The following BCAT1 variants were observed in gnomAD, a reference collection of about 807,000 sequenced individuals.
The protein encoded by BCAT1 is branched chain amino acid transaminase 1, also known as branched-chain-amino-acid aminotransferase, cytosolic.
In BCAT1, 48 loss-of-function variants were observed where a neutral mutation model predicts 52.4. That is an observed-to-expected ratio of 0.92 (90% CI 0.73 to 1.16). BCAT1 has a LOEUF of 1.16. BCAT1 is among the 50% of genes most tolerant of loss of function. The probability of loss-of-function intolerance (pLI) is 0.00; values close to 1 mark genes in which losing one functional copy is unlikely to be tolerated. For missense variants in BCAT1, 451 were observed against 457.1 expected, an observed-to-expected ratio of 0.99 and a Z score of 0.12; for synonymous variants, 167 against 161.3, an observed-to-expected ratio of 1.04 and a Z score of -0.27.
chr12:24,890,833 A>G (rs1942818246), intron 3 of BCAT1, among the ~76,000 whole-genome samples: 1 of 152,058 alleles, frequency 6.6e-6, no homozygotes, highest in African/African-American at 2.4e-5. Flanking sequence ...TTCTTAATAA[A>G]TTTTATTTTA....
chr12:24,902,881 C>T (rs1394138542), intron 1 of BCAT1: 1 of 1,511,832 alleles, frequency 6.6e-7, no homozygotes, highest in Non-Finnish European at 8.8e-7. Context: ...CCCGGCCAGG[C>T]CCGCGAGCTA....
intron 1 of BCAT1, among the ~76,000 whole-genome samples, chr12:24,939,381 A>G (rs1258548098): frequency 2.0e-5 from 3 of 152,224 alleles, no homozygotes; most frequent in Non-Finnish European, 2.9e-5. Context: ...AAAAGTTTAG[A>G]CACTCTTCAT....
intron 6 of BCAT1, among the ~76,000 whole-genome samples, chr12:24,847,914 G>C (rs994558474): frequency 2.0e-5 from 3 of 152,188 alleles, no homozygotes; most frequent in African/African-American, 7.2e-5. Flanking sequence ...CAAAACTAAA[G>C]TTGACTCCAA....
At position 24,813,808 on chromosome 12, in the gene BCAT1, T is replaced by C. The variant is rs1939775689; in HGVS notation, c.*4200A>G. 6.6e-6 allele frequency: 1 copy of C among 152,128 alleles called. No homozygotes were observed. The highest frequency in any genetic ancestry group is 2.1e-4 in the South Asian group (1 of 4,836). The allele number at this position is 152,128 out of a possible 1,614,324, so 9.4% of individuals were successfully genotyped here. Reference sequence around the variant, plus strand: ...CTTGATAAGAGATGTGTTCTGGCCTTCTTTGCTTATGATCTAACTATTCAG... The same window carrying C: ...CTTGATAAGAGATGTGTTCTGGCCTCCTTTGCTTATGATCTAACTATTCAG... On this transcript the variant is annotated 3_prime_UTR_variant, in exon 11 of 11. Transcript: ENST00000261192.
Position 24,812,291 on chromosome 12 carries a change from T to C in BCAT1, c.*5717A>G, listed in dbSNP as rs899988521. On this transcript the variant is annotated 3_prime_UTR_variant, in exon 11 of 11. Transcript: ENST00000261192. ...TCAGTAAACCTTCCACCTATCAGGA[T>C]AGGAGATAGTAAATAGTATCTCTAA... 1 of 146,402 alleles carries C rather than the reference T, an allele frequency of 6.8e-6. No homozygotes were observed. 9.1% of individuals were successfully genotyped at this position (146,402 alleles called of 1,614,324 possible). A position where few individuals can be genotyped will look rare whatever the true frequency, so the allele number is the denominator to read the frequency against.
At chr12:24,949,137 G>C, upstream of BCAT1, 1 of 590,752 alleles carries the variant, frequency 1.7e-6, no homozygotes, top group Non-Finnish European at 3.0e-6. Context: ...TCGCGACCTA[G>C]CGGATTGCAT....
intron 6 of BCAT1, among the ~76,000 whole-genome samples, chr12:24,845,310 G>A (rs2139446957): frequency 6.6e-6 from 1 of 151,048 alleles, no homozygotes; most frequent in East Asian, 1.9e-4. Context: ...ATGTGGAGAT[G>A]AAGCAAGTCT....
At position 24,816,522 on chromosome 12, in the gene BCAT1, C is replaced by T. The variant is rs753528962; in HGVS notation, c.*1486G>A. The T allele has an allele frequency of 2.5e-6, 1 of 397,580 alleles. No individual in the cohort carries two copies. Among genetic ancestry groups the T allele is most frequent in the Non-Finnish European group, 4.4e-6 (1 of 225,832 alleles). 24.6% of individuals were successfully genotyped at this position (397,580 alleles called of 1,614,324 possible). ...TCCTAACCACTTGCTCATCAAATCT[C>T]CATTCAAAGAAAAGAGCACCTGCAA... On this transcript the variant is annotated 3_prime_UTR_variant, in exon 11 of 11. Coordinates refer to ENST00000261192, the MANE Select transcript of BCAT1 (RefSeq NM_005504.7).
At chr12:24,835,021 T>C (rs1326049281) in intron 8 of BCAT1, among the ~76,000 whole-genome samples, 1 of 152,222 alleles carries the variant, frequency 6.6e-6, no homozygotes, top group Admixed American at 6.5e-5. Flanking sequence ...TAATAACCTA[T>C]TTTTCATGCT....
chr12:24,886,543 A>G (rs1349154902), intron 3 of BCAT1, among the ~76,000 whole-genome samples: 1 of 152,236 alleles, frequency 6.6e-6, no homozygotes, highest in Non-Finnish European at 1.5e-5. Flanking sequence ...CTTTTTCTTC[A>G]GACAACCATA....
chr12:24,870,713 C>T (rs922020364), intron 5 of BCAT1, among the ~76,000 whole-genome samples: 1 of 152,208 alleles, frequency 6.6e-6, no homozygotes, highest in African/African-American at 2.4e-5. Flanking sequence ...CCCTAAAATA[C>T]TGCATAAGCA....
At chr12:24,821,673 T>C (rs1435023437) in intron 10 of BCAT1, among the ~76,000 whole-genome samples, 1 of 152,192 alleles carries the variant, frequency 6.6e-6, no homozygotes, top group Non-Finnish European at 1.5e-5. Context: ...TGCATACGCA[T>C]TATACCCTAG....
intron 1 of BCAT1, among the ~76,000 whole-genome samples, chr12:24,933,463 C>A (rs753567453): frequency 1.8e-4 from 27 of 152,248 alleles, no homozygotes; most frequent in Non-Finnish European, 3.5e-4. Flanking sequence ...CCTTTCCCTG[C>A]AAGTTGCAGG....
chr12:24,901,907 C>A, intron 1 of BCAT1, 22 bp from the exon 2 acceptor site: 2 of 1,613,456 alleles, frequency 1.2e-6, no homozygotes, highest in Non-Finnish European at 1.7e-6. Flanking sequence ...ATTAAACCAC[C>A]ATTAAGTAAA....
At chr12:24,933,871 G>T (rs534603214) in intron 1 of BCAT1, among the ~76,000 whole-genome samples, 1 of 152,050 alleles carries the variant, frequency 6.6e-6, no homozygotes, top group South Asian at 2.1e-4. Flanking sequence ...TTTACATAGG[G>T]CTCACAGATT....
intron 1 of BCAT1, chr12:24,902,523 G>T: frequency 5.3e-6 from 2 of 379,446 alleles, no homozygotes; most frequent in Non-Finnish European, 8.0e-6. Flanking sequence ...TGGGGGTGGG[G>T]AAGGAAGAGA....
chr12:24,845,923 AT>A (rs1941331037), intron 6 of BCAT1, among the ~76,000 whole-genome samples: 1 of 152,160 alleles, frequency 6.6e-6, no homozygotes, highest in Non-Finnish European at 1.5e-5. Flanking sequence ...TTTTATTTGA[AT>A]TTTTTCTCAT....
chr12:24,890,068 A>C (rs889548856), intron 3 of BCAT1, among the ~76,000 whole-genome samples: 4 of 152,176 alleles, frequency 2.6e-5, no homozygotes, highest in African/African-American at 9.7e-5. Flanking sequence ...TACACTTTGC[A>C]GTATCCTTTA....
At chr12:24,820,729 T>C (rs2139316200) in intron 10 of BCAT1, among the ~76,000 whole-genome samples, 1 of 152,304 alleles carries the variant, frequency 6.6e-6, no homozygotes, top group South Asian at 2.1e-4. Context: ...AGAATTTTAA[T>C]CTTTTGCAAA....
Sources: allele counts gnomAD v4.1 joint callset (sites outside exome capture counted in the v4.1 genomes callset), GRCh38; gene constraint gnomAD v4.1.1; transcripts MANE v1.5; gene names NCBI Gene and HGNC (gene_info 2026-07-23, HGNC 2026-07-21).